NCALD: variants seen among roughly 807,000 people sequenced by gnomAD.
NCALD encodes neurocalcin delta.
Under a neutral mutation model 18.6 loss-of-function variants are expected in NCALD, and 10 were observed. That is an observed-to-expected ratio of 0.54 (90% confidence interval 0.33 to 0.91). The LOEUF (loss-of-function observed/expected upper bound fraction) is 0.91. Ranked by LOEUF, NCALD falls within the 40% of genes least tolerant of loss-of-function variation. NCALD has a pLI of 0.03. For synonymous variants in NCALD, 88 were observed against 87.4 expected (o/e 1.01, Z -0.04); for missense variants, 184 against 247.6 (o/e 0.74, Z 1.72).
intron 3 of NCALD, among the ~76,000 whole-genome samples, chr8:101,896,212 A>T (rs1426119589): frequency 6.6e-6 from 1 of 152,084 alleles, no homozygotes; most frequent in African/African-American, 2.4e-5. Context: ...GTAATGCCAC[A>T]TATCTACAAC....
chr8:101,907,042 G>C (rs1165155177), intron 3 of NCALD, among the ~76,000 whole-genome samples: 2 of 152,168 alleles, frequency 1.3e-5, no homozygotes, highest in African/African-American at 2.4e-5. Flanking sequence ...GCACAGCAAT[G>C]TTATTGATCC....
intron 2 of NCALD, among the ~76,000 whole-genome samples, chr8:101,956,200 C>A (rs1215286306): frequency 6.6e-6 from 1 of 152,178 alleles, no homozygotes; most frequent in African/African-American, 2.4e-5. Context: ...CCCAAAGAGA[C>A]TTCATTTGGC....
intron 4 of NCALD, among the ~76,000 whole-genome samples, chr8:101,881,089 A>G (rs1816477522): frequency 6.6e-6 from 1 of 152,230 alleles, no homozygotes; most frequent in Non-Finnish European, 1.5e-5. Flanking sequence ...GAAGCCTTTA[A>G]GTGAGGTAAA....
chr8:102,021,564 C>T (rs1455889390), intron 1 of NCALD, among the ~76,000 whole-genome samples: 2 of 152,090 alleles, frequency 1.3e-5, no homozygotes, highest in Non-Finnish European at 2.9e-5. Flanking sequence ...ACAGTATTAA[C>T]AGGGTACCAG....
intron 4 of NCALD, among the ~76,000 whole-genome samples, chr8:101,882,094 G>A (rs916599165): frequency 6.6e-6 from 1 of 152,164 alleles, no homozygotes; most frequent in Non-Finnish European, 1.5e-5. Flanking sequence ...ACATTCTATA[G>A]TGTGCAAGAC....
At chr8:101,934,388 G>C (rs905988718) in intron 2 of NCALD, among the ~76,000 whole-genome samples, 9 of 152,110 alleles carry the variant, frequency 5.9e-5, no homozygotes, top group African/African-American at 2.2e-4. Context: ...AAAGTCAGAG[G>C]GGCTAGTGAG....
intron 2 of NCALD, among the ~76,000 whole-genome samples, chr8:102,001,671 T>G (rs1007713670): frequency 1.1e-4 from 16 of 152,184 alleles, no homozygotes; most frequent in South Asian, 8.3e-4. Flanking sequence ...GACTAACAGC[T>G]GATCTCTCAG....
chr8:101,895,330 C>A (rs1469950549), intron 3 of NCALD, among the ~76,000 whole-genome samples: 1 of 132,158 alleles, frequency 7.6e-6, no homozygotes, highest in Non-Finnish European at 1.5e-5. Flanking sequence ...ATGCTAAAAA[C>A]TCTCAATAAA....
At chr8:101,992,834 T>C (rs1046419437) in intron 2 of NCALD, among the ~76,000 whole-genome samples, 1 of 152,020 alleles carries the variant, frequency 6.6e-6, no homozygotes, top group Non-Finnish European at 1.5e-5. Flanking sequence ...TCTTATCCTT[T>C]ACTGAGCTCT....
At chr8:102,089,744 TTAGA>T (rs1236564848) in intron 1 of NCALD, among the ~76,000 whole-genome samples, 2 of 152,158 alleles carry the variant, frequency 1.3e-5, no homozygotes, top group Admixed American at 6.5e-5. Flanking sequence ...TTGTTTTAAG[TTAGA>T]TAGGATAAAG....
At chr8:101,809,594 T>C (rs1171468725) in intron 4 of NCALD, among the ~76,000 whole-genome samples, 2 of 152,232 alleles carry the variant, frequency 1.3e-5, no homozygotes, top group Non-Finnish European at 2.9e-5. Flanking sequence ...TTGTGCAGGC[T>C]GGAGTGCAGT....
At chr8:101,995,878 G>A (rs776889998) in intron 2 of NCALD, among the ~76,000 whole-genome samples, 2 of 152,130 alleles carry the variant, frequency 1.3e-5, no homozygotes, top group Non-Finnish European at 2.9e-5. Flanking sequence ...TATGAATTCC[G>A]AGCAATCTCT....
intron 1 of NCALD, among the ~76,000 whole-genome samples, chr8:102,057,257 TAC>T (rs3085988): frequency 0.024 from 3,509 of 147,708 alleles, 140 homozygotes; most frequent in African/African-American, 0.082. Flanking sequence ...GGCTAGTTCA[TAC>T]ACACACACAC....
Position 101,914,352 on chromosome 8 carries a change from A to C in NCALD, c.-107+1457T>G, listed in dbSNP as rs140523379. On this transcript the variant is annotated intron_variant, in intron 3 of 6. Transcript: ENST00000311028. Reference sequence around the variant, plus strand: ...GGCAAAGTGCCCTTCTCATCACATCATGTCAAGGGTACCTACTACCAATGT... The same window carrying C: ...GGCAAAGTGCCCTTCTCATCACATCCTGTCAAGGGTACCTACTACCAATGT... Among the ~76,000 whole-genome samples the C allele has an allele frequency of 2.2e-3, 336 of 152,314 alleles. 1 individual carries two copies. Among genetic ancestry groups the C allele is most frequent in the African/African-American group, 7.8e-3 (324 of 41,568 alleles).
rs191962944 is a variant in NCALD, at chr8:101,796,955, A to C, written c.-19-77307T>G. Among the ~76,000 whole-genome samples, 650 of 152,298 alleles carry C rather than the reference A, an allele frequency of 4.3e-3. 1 individual carries two copies. Among genetic ancestry groups the C allele is most frequent in the Non-Finnish European group, 6.7e-3 (459 of 68,026 alleles). On this transcript the variant is annotated intron_variant, in intron 4 of 6. Coordinates refer to the NCALD transcript ENST00000311028. ...CCTCCTTCGGAAAGGCTTATCAAAAACCCAAAAGAATGCAACCATTTGTCT... is the reference window on the plus strand; with the variant it reads ...CCTCCTTCGGAAAGGCTTATCAAAACCCCAAAAGAATGCAACCATTTGTCT...
intron 2 of NCALD, among the ~76,000 whole-genome samples, chr8:101,949,665 A>C (rs1002021765): frequency 1.3e-5 from 2 of 152,206 alleles, no homozygotes; most frequent in African/African-American, 4.8e-5. Context: ...GGGCTGATAG[A>C]AAATAACTGA....
Position 102,073,529 on chromosome 8 carries a change from T to G in NCALD, c.-210+50708A>C, listed in dbSNP as rs1046291078. On this transcript the variant is annotated intron_variant, in intron 1 of 6. Transcript: ENST00000311028. ...GCAGAATTACAGTAAAAATATTTTA[T>G]GCTTTTTTTTTTTACTATAGCATGG... 2.1e-5 allele frequency among the ~76,000 whole-genome samples: 3 copies of G among 141,726 alleles called. No individual in the cohort carries two copies. In the South Asian group the frequency reaches 6.4e-4, roughly 30 times the overall value. 93.0% of individuals were successfully genotyped at this position (141,726 alleles called of 152,430 possible).
intron 1 of NCALD, among the ~76,000 whole-genome samples, chr8:102,036,146 T>TAAATAAA (rs59750368): frequency 6.9e-6 from 1 of 145,578 alleles, no homozygotes; most frequent in Non-Finnish European, 1.5e-5. Context: ...AATAAATAAA[T>TAAATAAA]TAATTAATTA....
intron 1 of NCALD, among the ~76,000 whole-genome samples, chr8:101,768,392 C>A (rs201872813): frequency 7.4e-5 from 1 of 13,582 alleles, no homozygotes; most frequent in Admixed American, 6.1e-4. Context: ...TGTAGGAGGG[C>A]GGCCAATGAG....
Sources: gnomAD v4.1 joint callset for allele counts (sites outside exome capture counted in the v4.1 genomes callset) on GRCh38, gnomAD v4.1.1 for gene constraint, MANE v1.5 for transcripts, NCBI Gene and HGNC (gene_info 2026-07-23, HGNC 2026-07-21) for gene names.